The following KY variants were observed in gnomAD, a reference collection of about 807,000 sequenced individuals.
KY encodes the protein kyphoscoliosis peptidase.
KY carries 43 observed loss-of-function variants against 76.1 expected under a neutral mutation model. That is an observed-to-expected ratio of 0.57 (90% CI 0.44 to 0.73). KY has a LOEUF of 0.73. Among genes scored for constraint, KY ranks in the 30% least tolerant of loss-of-function variants. KY has a pLI of 0.00. For missense variants in KY, 722 were observed against 828.9 expected (o/e 0.87, Z 1.58); for synonymous variants, 277 against 326.2 (o/e 0.85, Z 1.63).
intron 3 of KY, among the ~76,000 whole-genome samples, chr3:134,641,893 G>A (rs1319549649): frequency 1.3e-5 from 2 of 152,202 alleles, no homozygotes; most frequent in Non-Finnish European, 2.9e-5. Context: ...AGTGAGGTAA[G>A]TGGTGCTAAT....
intron 6 of KY, 55 bp downstream of exon 6, chr3:134,624,998 T>G (rs909841483): frequency 6.0e-6 from 9 of 1,491,956 alleles, no homozygotes; most frequent in Non-Finnish European, 8.2e-6. Context: ...TTTGCTGCCC[T>G]AGAACTCTAA....
In KY at chr3:134,603,527, C is replaced by T. The variant is rs549780682; in HGVS notation, c.*52G>A. On this transcript the variant is annotated 3_prime_UTR_variant, in exon 11 of 11. Transcript: ENST00000423778. The stretch of plus-strand genomic sequence containing the variant: ...TCCCTGCACTTCCTTCGAGCCCTCC[C>T]TGGGGAGGTCTGGCCTTGGCCCTTT... The T allele has an allele frequency of 1.2e-5, 18 of 1,506,450 alleles. No individual in the cohort carries two copies. In the East Asian group the frequency reaches 4.1e-4, roughly 34 times the overall value. The allele number at this position is 1,506,450 out of a possible 1,614,324, so 93.3% of individuals were successfully genotyped here. A position where few individuals can be genotyped will look rare whatever the true frequency, so the allele number is the denominator to read the frequency against.
intron 10 of KY, among the ~76,000 whole-genome samples, chr3:134,606,483 C>T (rs529540279): frequency 1.3e-5 from 2 of 152,322 alleles, no homozygotes; most frequent in South Asian, 2.1e-4. Flanking sequence ...GTAATGTCCC[C>T]GTGGCAAAGC....
chr3:134,650,443 G>T (rs941070748), intron 1 of KY, among the ~76,000 whole-genome samples: 3 of 152,194 alleles, frequency 2.0e-5, no homozygotes, highest in African/African-American at 7.2e-5. Flanking sequence ...CCTGCAGTGT[G>T]CTGTGGGGGG....
In KY at chr3:134,604,436, G is replaced by A. The variant is rs766185749; in HGVS notation, c.1129C>T (p.Pro377Ser). The change falls in exon 11 of 11, where the codon CCG (proline) becomes TCG (serine). Residue 377 changes from proline to serine, a missense_variant. By Grantham distance (74) the Pro-to-Ser change is moderately conservative. Coordinates refer to ENST00000423778, the MANE Select transcript of KY (RefSeq NM_178554.6). ...TTGAGCATGAACATGAACAGCGTCG[G>A]GGCGCAGCTCTCAATGGTGACCGTG... ...KATVTIESCA[P>S]TLFMFMLNGK... is the part of the protein sequence containing the mutation. 122 of 1,613,118 alleles carry A rather than the reference G, an allele frequency of 7.6e-5. No homozygotes were observed. Among genetic ancestry groups the A allele is most frequent in the Non-Finnish European group, 4.2e-5 (49 of 1,179,580 alleles).
chr3:134,610,294 T>C lies in KY; in HGVS notation c.800A>G (p.His267Arg). ...TGQSFSGEFD[H>R]AWNAVYLEGR... Reference sequence around the variant, plus strand: ...CTCCAGGTACACAGCATTCCAGGCATGGTCAAACTCCCCCGAGAAGCTCTG... The same window carrying C: ...CTCCAGGTACACAGCATTCCAGGCACGGTCAAACTCCCCCGAGAAGCTCTG... Residue 267 changes from histidine to arginine, a missense_variant, in exon 9 of 11, where the codon CAT becomes CGT. Physicochemically the swap from His to Arg is conservative, Grantham distance 29 (BLOSUM62 0). Coordinates refer to ENST00000423778, the MANE Select transcript of KY (RefSeq NM_178554.6). 1 of 1,613,470 alleles carries C rather than the reference T, an allele frequency of 6.2e-7. No individual in the cohort carries two copies. The highest frequency in any genetic ancestry group is 8.5e-7 in the Non-Finnish European group (1 of 1,179,742).
At chr3:134,634,032 A>T (rs1964588932) in intron 3 of KY, among the ~76,000 whole-genome samples, 1 of 152,236 alleles carries the variant, frequency 6.6e-6, no homozygotes, top group Non-Finnish European at 1.5e-5. Flanking sequence ...TTAGTTATAA[A>T]TCTAAAACAA....
chr3:134,625,609 G>A (rs917808102), intron 5 of KY, among the ~76,000 whole-genome samples: 1 of 152,238 alleles, frequency 6.6e-6, no homozygotes, highest in African/African-American at 2.4e-5. Flanking sequence ...TGGGGTGGAG[G>A]TGCCAAAGGA....
At chr3:134,615,484 T>A (rs1961381688) in intron 8 of KY, 1 of 151,882 alleles carries the variant, frequency 6.6e-6, no homozygotes, top group African/African-American at 2.4e-5. Flanking sequence ...ATTTTATTTT[T>A]GTTATTATTA....
chr3:134,605,625 G>A (rs1050962102), intron 10 of KY, among the ~76,000 whole-genome samples: 1 of 152,036 alleles, frequency 6.6e-6, no homozygotes, highest in Admixed American at 6.5e-5. Flanking sequence ...TCCCAACCCT[G>A]TCACATACTG....
chr3:134,626,906 A>G (rs902490282), intron 5 of KY, among the ~76,000 whole-genome samples: 1 of 152,204 alleles, frequency 6.6e-6, no homozygotes, highest in African/African-American at 2.4e-5. Flanking sequence ...GCTCTGCAGA[A>G]TCTGTTCCTA....
chr3:134,638,501 C>G (rs1965283922), intron 3 of KY, among the ~76,000 whole-genome samples: 1 of 152,180 alleles, frequency 6.6e-6, no homozygotes, highest in Admixed American at 6.5e-5. Flanking sequence ...TGCATCCCTC[C>G]CCAGCTCCAC....
intron 3 of KY, chr3:134,639,924 T>G (rs1213224107): frequency 8.7e-6 from 1 of 115,378 alleles, no homozygotes; most frequent in Non-Finnish European, 1.6e-5. Context: ...CACTCCAACC[T>G]GGGCCACAGA....
intron 2 of KY, among the ~76,000 whole-genome samples, chr3:134,644,152 C>CAGG (rs144259539): frequency 0.016 from 2,397 of 152,316 alleles, 18 homozygotes; most frequent in Middle Eastern, 0.024. Context: ...ATGAGAAGAA[C>CAGG]AGGGGGCCAG....
At chr3:134,626,668 C>T (rs1963495215) in intron 5 of KY, among the ~76,000 whole-genome samples, 1 of 152,188 alleles carries the variant, frequency 6.6e-6, no homozygotes, top group Non-Finnish European at 1.5e-5. Context: ...TGTGTCACCT[C>T]TAGACCTGGC....
chr3:134,628,491 G>A (rs1196264921), intron 4 of KY, among the ~76,000 whole-genome samples: 2 of 152,164 alleles, frequency 1.3e-5, no homozygotes, highest in Non-Finnish European at 2.9e-5. Flanking sequence ...TGCCCCTGAA[G>A]GCCACTTTAG....
In KY at chr3:134,603,763, A is replaced by G; in HGVS notation, c.1802T>C (p.Leu601Pro). The G allele has an allele frequency of 6.2e-7, 1 of 1,612,522 alleles. No individual in the cohort carries two copies. Among genetic ancestry groups the G allele is most frequent in the Non-Finnish European group, 8.5e-7 (1 of 1,178,846 alleles). Residue 601 changes from leucine (L) to proline (P), a missense_variant, in exon 11 of 11, where the codon CTG (leucine) becomes CCG (proline). By Grantham distance (98) the Leu-to-Pro change is moderately conservative. Transcript: ENST00000423778. The stretch of plus-strand genomic sequence containing the variant: ...CACCAGGACTTTGGCAATACCATGC[A>G]GCTTCAATTTGAATGGGACATTCCG... ...ANRNVPFKLK[L>P]HGIAKVLVKG...
chr3:134,635,127 T>G (rs1241622530), intron 3 of KY, among the ~76,000 whole-genome samples: 1 of 152,212 alleles, frequency 6.6e-6, no homozygotes, highest in Non-Finnish European at 1.5e-5. Context: ...CTATTCATAA[T>G]CACCCTGAAC....
In KY at chr3:134,650,839, A is replaced by G. The variant is rs753170134; in HGVS notation, c.122T>C (p.Leu41Pro). ...SDQQANPSSL[L>P]QRGGGFQGVG... ...GCGCGCGTTACCTCCTCCGCGCTGCAGCAGCGAGCTCGGGTTCGCCTGCTG... is the reference window on the plus strand; with the variant it reads ...GCGCGCGTTACCTCCTCCGCGCTGCGGCAGCGAGCTCGGGTTCGCCTGCTG... The change falls in exon 1 of 11, where the codon CTG (leucine) becomes CCG (proline). Residue 41 changes from leucine (L) to proline (P), a missense_variant. Transcript: ENST00000423778. The G allele has an allele frequency of 7.5e-6, 12 of 1,603,872 alleles. No homozygotes were observed. In the African/African-American group the frequency reaches 1.5e-4, roughly 20 times the overall value.
Sources: gnomAD v4.1 joint callset for allele counts (sites outside exome capture counted in the v4.1 genomes callset) on GRCh38, gnomAD v4.1.1 for gene constraint, MANE v1.5 for transcripts, NCBI Gene and HGNC (gene_info 2026-07-23, HGNC 2026-07-21) for gene names.